The following ERBB4 variants were observed in gnomAD, a reference collection of about 807,000 sequenced individuals.
ERBB4 encodes receptor tyrosine-protein kinase erbB-4.
ERBB4 carries 42 observed loss-of-function variants against 158.0 expected under a neutral mutation model. The observed-to-expected ratio is 0.27, with a 90% CI of 0.21 to 0.34. ERBB4 has a LOEUF of 0.34. Ranked by LOEUF, ERBB4 falls within the 10% of genes least tolerant of loss-of-function variation. The probability of loss-of-function intolerance (pLI) is 1.00; values close to 1 mark genes in which losing one functional copy is unlikely to be tolerated. For missense variants in ERBB4, 1,333 were observed against 1,624.1 expected (o/e 0.82, Z 3.08); for synonymous variants, 583 against 558.7 (o/e 1.04, Z -0.61).
intron 18 of ERBB4, among the ~76,000 whole-genome samples, chr2:211,623,018 T>A (rs1574874279): frequency 6.8e-5 from 5 of 73,394 alleles, no homozygotes; most frequent in African/African-American, 3.5e-4. Flanking sequence ...TATATATATA[T>A]ATATATATAT....
In ERBB4 at chr2:211,793,016, T is replaced by C. The variant is rs994664467; in HGVS notation, c.422-4857A>G. Among the ~76,000 whole-genome samples, 9 of 151,988 alleles carry C rather than the reference T, an allele frequency of 5.9e-5. No homozygotes were observed. The East Asian group carries it at 1.5e-3, about 26-fold the overall frequency. On this transcript the variant is annotated intron_variant, in intron 3 of 27. Coordinates refer to ENST00000342788, the MANE Select transcript of ERBB4 (RefSeq NM_005235.3). The stretch of plus-strand genomic sequence containing the variant: ...CTTTTTTTCTCTGCCCTGTATGAAA[T>C]GACCTAATTGTGATGTAACATCCCT...
chr2:211,490,468 T>C (rs1201701524), intron 20 of ERBB4, among the ~76,000 whole-genome samples: 1 of 152,020 alleles, frequency 6.6e-6, no homozygotes, highest in Non-Finnish European at 1.5e-5. Context: ...CTAGTGGTAA[T>C]TCAAGGTATT....
intron 20 of ERBB4, among the ~76,000 whole-genome samples, chr2:211,435,746 A>G (rs114301009): frequency 0.011 from 1,688 of 152,294 alleles, 30 homozygotes; most frequent in African/African-American, 0.038. Context: ...TCCCAAAACT[A>G]TCTCCCCTGC....
intron 20 of ERBB4, among the ~76,000 whole-genome samples, chr2:211,500,189 T>C (rs2065582009): frequency 1.3e-5 from 2 of 152,188 alleles, no homozygotes; most frequent in Admixed American, 6.5e-5. Flanking sequence ...ATTATAATTG[T>C]ATTCATCATT....
chr2:211,608,865 T>C (rs923465063), intron 19 of ERBB4, among the ~76,000 whole-genome samples: 1 of 152,168 alleles, frequency 6.6e-6, no homozygotes, highest in Non-Finnish European at 1.5e-5. Context: ...TTCAGTTAAT[T>C]TGGATGGAAA....
At position 211,376,247 on chromosome 2, in the gene ERBB4, C is replaced by T. The variant is rs1039658161; in HGVS notation, c.*7368G>A. 4.3e-6 allele frequency: 1 copy of T among 232,850 alleles called. No individual in the cohort carries two copies. Among genetic ancestry groups the T allele is most frequent in the African/African-American group, 2.2e-5 (1 of 45,224 alleles). The allele number at this position is 232,850 out of a possible 1,614,324, so 14.4% of individuals were successfully genotyped here. A position where few individuals can be genotyped will look rare whatever the true frequency, so the allele number is the denominator to read the frequency against. ...ACAAGTAATGTCAAAATGATAACTT[C>T]CAACCAAAAAAGAAACAATCACAGG... On this transcript the variant is annotated 3_prime_UTR_variant, in exon 28 of 28. Transcript: ENST00000342788.
chr2:211,711,956 C>G, intron 9 of ERBB4, 94 bp downstream of exon 9: 2 of 1,098,620 alleles, frequency 1.8e-6, no homozygotes, highest in Non-Finnish European at 2.7e-6. Context: ...TGAAACTCTT[C>G]AGCTTCCAGA....
chr2:212,261,778 C>A (rs966742674), intron 1 of ERBB4, among the ~76,000 whole-genome samples: 2 of 151,934 alleles, frequency 1.3e-5, no homozygotes, highest in African/African-American at 4.8e-5. Flanking sequence ...TATCAAAAAA[C>A]AATTGTACAT....
At chr2:211,419,983 C>T (rs1173513681) in intron 25 of ERBB4, among the ~76,000 whole-genome samples, 2 of 151,986 alleles carry the variant, frequency 1.3e-5, no homozygotes, top group Non-Finnish European at 2.9e-5. Flanking sequence ...GTTTCTACTT[C>T]AACTTGACAG....
At chr2:211,807,632 G>A (rs184886934) in intron 3 of ERBB4, among the ~76,000 whole-genome samples, 424 of 152,272 alleles carry the variant, frequency 2.8e-3, no homozygotes, top group African/African-American at 9.9e-3. Context: ...ACAGTAGCAC[G>A]ATGTATAATC....
chr2:212,078,796 T>C (rs1036869805), intron 2 of ERBB4, among the ~76,000 whole-genome samples: 6 of 151,380 alleles, frequency 4.0e-5, no homozygotes, highest in African/African-American at 1.5e-4. Flanking sequence ...ATCACTAATA[T>C]GAAAAGTAAT....
At chr2:211,541,041 T>TCTCC (rs2066795316) in intron 20 of ERBB4, among the ~76,000 whole-genome samples, 1 of 151,944 alleles carries the variant, frequency 6.6e-6, no homozygotes, top group Admixed American at 6.6e-5. Context: ...CAATTTGCTC[T>TCTCC]CTCCCTCTCT....
At position 211,580,875 on chromosome 2, in the gene ERBB4, A is replaced by ATTG. The variant is rs1559317707; in HGVS notation, c.2302-18788_2302-18787insCAA. Among the ~76,000 whole-genome samples the ATTG allele has an allele frequency of 1.7e-3, 2 of 1,202 alleles. 1 individual carries two copies. The highest frequency in any genetic ancestry group is 4.9e-3 in the Non-Finnish European group (2 of 410). The allele number at this position is 1,202 out of a possible 152,430, so 0.8% of individuals were successfully genotyped here. A position where few individuals can be genotyped will look rare whatever the true frequency, so the allele number is the denominator to read the frequency against. ...ATATAGTATGCATATACATATATAT[A>ATTG]TATATATATATATATATATATATAT... On this transcript the variant is annotated intron_variant, in intron 19 of 27. Transcript: ENST00000342788.
At chr2:212,407,530 T>C (rs560617005) in intron 1 of ERBB4, among the ~76,000 whole-genome samples, 7 of 152,260 alleles carry the variant, frequency 4.6e-5, no homozygotes, top group Non-Finnish European at 1.0e-4. Context: ...ATGCATGTTC[T>C]TCACCACTGT....
At chr2:211,414,155 G>C (rs531850848) in intron 25 of ERBB4, among the ~76,000 whole-genome samples, 77 of 152,238 alleles carry the variant, frequency 5.1e-4, no homozygotes, top group African/African-American at 1.7e-3. Flanking sequence ...CTCTATCAGA[G>C]GTAGGCCAAA....
At chr2:211,701,881 G>T (rs1396474480) in intron 12 of ERBB4, 86 bp downstream of exon 12, 1 of 992,420 alleles carries the variant, frequency 1.0e-6, no homozygotes, top group Non-Finnish European at 1.6e-6. Flanking sequence ...AATTCTGACC[G>T]GATGTTATTT....
At chr2:212,046,356 T>C (rs2077261886) in intron 2 of ERBB4, among the ~76,000 whole-genome samples, 2 of 152,200 alleles carry the variant, frequency 1.3e-5, no homozygotes, top group South Asian at 4.1e-4. Flanking sequence ...TAGTAAACAG[T>C]AGCACAGCTA....
intron 1 of ERBB4, among the ~76,000 whole-genome samples, chr2:212,241,057 A>G (rs1482802491): frequency 6.6e-6 from 1 of 152,144 alleles, no homozygotes; most frequent in Non-Finnish European, 1.5e-5. Flanking sequence ...TTTCCAGGAA[A>G]TAACTAGAAA....
At chr2:212,211,279 C>T (rs1054514137) in intron 1 of ERBB4, among the ~76,000 whole-genome samples, 4 of 152,064 alleles carry the variant, frequency 2.6e-5, no homozygotes, top group Non-Finnish European at 5.9e-5. Context: ...AACACATCTA[C>T]TGAAAACACT....
Sources: gnomAD v4.1 joint callset for allele counts (sites outside exome capture counted in the v4.1 genomes callset) on GRCh38, gnomAD v4.1.1 for gene constraint, MANE v1.5 for transcripts, NCBI Gene and HGNC (gene_info 2026-07-23, HGNC 2026-07-21) for gene names.